Variants in DCK observed in about 807,000 individuals in gnomAD.
DCK encodes the protein deoxycytidine kinase, also known as deoxyadenosine kinase.
In DCK, 23 loss-of-function variants were observed where a neutral mutation model predicts 38.3. That is an observed-to-expected ratio of 0.60 (90% CI 0.43 to 0.85). DCK has a LOEUF of 0.85. Ranked by LOEUF, DCK falls within the 40% of genes least tolerant of loss-of-function variation. DCK has a pLI of 0.00. For missense variants in DCK, 259 were observed against 304.4 expected (o/e 0.85, Z 1.11); for synonymous variants, 108 against 100.6 (o/e 1.07, Z -0.44).
chr4:70,998,030 A>G, intron 1 of DCK, 37 bp from the exon 2 acceptor site: 1 of 1,129,524 alleles, frequency 8.9e-7, no homozygotes, highest in South Asian at 1.4e-5. Context: ...TTTTCCTGAC[A>G]ACTTTTCTTC....
chr4:71,022,223 A>T (rs1740442737), intron 2 of DCK, 144 bp from the exon 3 acceptor site: 1 of 491,676 alleles, frequency 2.0e-6, no homozygotes, highest in Non-Finnish European at 3.5e-6. Context: ...GGGAAAGAGT[A>T]TGAGAAAGGG....
chr4:71,015,835 G>A (rs1018450386), intron 2 of DCK, among the ~76,000 whole-genome samples: 3 of 152,210 alleles, frequency 2.0e-5, no homozygotes, highest in South Asian at 2.1e-4. Context: ...CACACTGAAT[G>A]GGCAAAAACT....
chr4:71,016,746 C>A (rs921061095), intron 2 of DCK, among the ~76,000 whole-genome samples: 3 of 152,196 alleles, frequency 2.0e-5, no homozygotes, highest in African/African-American at 7.2e-5. Flanking sequence ...AAAGCTGAAA[C>A]TGGATCCCTT....
rs560384261 is a variant in DCK, at chr4:71,006,387, G to T, written c.207+8205G>T. 66 of 489,920 alleles carry T rather than the reference G, an allele frequency of 1.3e-4. No homozygotes were observed. In the African/African-American group the frequency reaches 1.4e-3, roughly 10 times the overall value. The allele number at this position is 489,920 out of a possible 1,614,324, so 30.3% of individuals were successfully genotyped here. A position where few individuals can be genotyped will look rare whatever the true frequency, so the allele number is the denominator to read the frequency against. ...GTATGGTTGTATGTGTGAGAGAGACGTTGCTAAGATTTTCGTTTCTGGAGA... is the reference window on the plus strand; with the variant it reads ...GTATGGTTGTATGTGTGAGAGAGACTTTGCTAAGATTTTCGTTTCTGGAGA... On this transcript the variant is annotated intron_variant, in intron 2 of 6. Coordinates refer to ENST00000286648, the MANE Select transcript of DCK (RefSeq NM_000788.3).
intron 5 of DCK, 89 bp from the exon 6 acceptor site, chr4:71,026,576 T>A: frequency 1.4e-6 from 1 of 722,558 alleles, no homozygotes; most frequent in Non-Finnish European, 2.4e-6. Context: ...ACATTTTGAT[T>A]TTCCAAGGAC....
intron 2 of DCK, among the ~76,000 whole-genome samples, chr4:71,005,278 G>T (rs995790321): frequency 6.6e-6 from 1 of 151,522 alleles, no homozygotes; most frequent in Non-Finnish European, 1.5e-5. Context: ...CTTCTGCTTG[G>T]CCTCTGTGGG....
chr4:71,026,537 C>T, intron 5 of DCK, 128 bp from the exon 6 acceptor site: 1 of 648,226 alleles, frequency 1.5e-6, no homozygotes, highest in South Asian at 1.8e-5. Context: ...TGAAGTACTG[C>T]AAAGTAACTT....
At chr4:71,017,065 A>G (rs889864092) in intron 2 of DCK, among the ~76,000 whole-genome samples, 4 of 152,222 alleles carry the variant, frequency 2.6e-5, no homozygotes, top group Admixed American at 6.5e-5. Context: ...AGAATCTACA[A>G]TGAACTCAAA....
intron 2 of DCK, among the ~76,000 whole-genome samples, chr4:71,016,887 T>A (rs144306358): frequency 0.012 from 1,807 of 152,288 alleles, 53 homozygotes; most frequent in African/African-American, 0.041. Context: ...GGACTTCATG[T>A]CTAAAACACC....
intron 5 of DCK, among the ~76,000 whole-genome samples, chr4:71,026,282 T>TCA (rs1294799288): frequency 6.6e-6 from 1 of 152,114 alleles, no homozygotes; most frequent in Non-Finnish European, 1.5e-5. Context: ...TAGACTTTGT[T>TCA]ATTAGTCAGA....
chr4:71,016,808 T>C (rs1433058803), intron 2 of DCK, among the ~76,000 whole-genome samples: 2 of 152,180 alleles, frequency 1.3e-5, no homozygotes, highest in Admixed American at 6.5e-5. Flanking sequence ...ACTTAAATGT[T>C]AGACCTAAAA....
intron 2 of DCK, among the ~76,000 whole-genome samples, chr4:71,018,736 A>G (rs1053118389): frequency 8.2e-5 from 12 of 146,590 alleles, no homozygotes; most frequent in Admixed American, 7.7e-4. Context: ...CAGTGGCACA[A>G]TCTTGGCTCA....
chr4:71,003,741 C>T (rs964192281), intron 2 of DCK, among the ~76,000 whole-genome samples: 2 of 152,114 alleles, frequency 1.3e-5, no homozygotes, highest in African/African-American at 2.4e-5. Context: ...TCCACTTAAT[C>T]GATTCGGCTA....
chr4:71,010,702 TTA>T (rs908004752), intron 2 of DCK, among the ~76,000 whole-genome samples: 2 of 147,786 alleles, frequency 1.4e-5, no homozygotes, highest in African/African-American at 2.4e-5. Context: ...ATAATATAAA[TTA>T]TATATAATAT....
At chr4:71,007,097 G>T (rs1739964992) in intron 2 of DCK, among the ~76,000 whole-genome samples, 1 of 152,044 alleles carries the variant, frequency 6.6e-6, no homozygotes, top group African/African-American at 2.4e-5. Flanking sequence ...GCTAACTTTA[G>T]ACCTAGGGCC....
Position 71,017,836 on chromosome 4 carries a change from A to C in DCK, c.208-4531A>C, listed in dbSNP as rs572831608. On this transcript the variant is annotated intron_variant, in intron 2 of 6. Transcript: ENST00000286648. Reference sequence around the variant, plus strand: ...GGAGAAATACCTAATGTAAATGGCGAGTTAATGGGTGCAGTACACCAACAT... The same window carrying C: ...GGAGAAATACCTAATGTAAATGGCGCGTTAATGGGTGCAGTACACCAACAT... Among the ~76,000 whole-genome samples, 7 of 151,806 alleles carry C rather than the reference A, an allele frequency of 4.6e-5. No individual in the cohort carries two copies. The South Asian group carries it at 1.5e-3, about 32-fold the overall frequency.
In DCK at chr4:71,023,570, C is replaced by T. The variant is rs139754308; in HGVS notation, c.413C>T (p.Ala138Val). 681 of 1,586,606 alleles carry T rather than the reference C, an allele frequency of 4.3e-4. No homozygotes were observed. The highest frequency in any genetic ancestry group is 5.6e-4 in the Non-Finnish European group (648 of 1,163,348). Reference sequence around the variant, plus strand: ...AGACTCTCTTTTAGGTATATTTTTGCATCTAATTTGTATGAATCTGAATGC... The same window carrying T: ...AGACTCTCTTTTAGGTATATTTTTGTATCTAATTTGTATGAATCTGAATGC... Reference protein sequence around the residue: ...RSVYSDRYIFASNLYESECMN... With the variant: ...RSVYSDRYIFVSNLYESECMN... The change falls in exon 4 of 7, where the codon GCA (alanine) becomes GTA (valine). Residue 138 changes from alanine to valine, a missense_variant. Ala to Val is a moderately conservative substitution (Grantham distance 64). Coordinates refer to ENST00000286648, the MANE Select transcript of DCK (RefSeq NM_000788.3).
chr4:71,022,505 C>A lies in DCK; in HGVS notation c.346C>A (p.Leu116Ile), dbSNP rs1230250507. The A allele has an allele frequency of 5.6e-6, 9 of 1,604,328 alleles. No homozygotes were observed. Among genetic ancestry groups the A allele is most frequent in the Non-Finnish European group, 7.6e-6 (9 of 1,176,648 alleles). Residue 116 changes from leucine (L) to isoleucine (I), a missense_variant, in exon 3 of 7, where the codon CTC (leucine) becomes ATC (isoleucine). Transcript: ENST00000286648. ...RAQLASLNGK[L>I]KDAEKPVLFF... ...TCAGCTTGCCTCTCTGAATGGCAAG[C>A]TCAAAGATGCAGAGAAACCTGTATT... is the stretch of plus-strand genomic sequence containing the variant.
At chr4:71,018,212 C>T (rs1352874946) in intron 2 of DCK, among the ~76,000 whole-genome samples, 3 of 150,864 alleles carry the variant, frequency 2.0e-5, no homozygotes, top group South Asian at 2.1e-4. Context: ...CTGCAAGCTC[C>T]GCCTCCCAGG....
Sources: allele counts gnomAD v4.1 joint callset (sites outside exome capture counted in the v4.1 genomes callset), GRCh38; gene constraint gnomAD v4.1.1; transcripts MANE v1.5; gene names NCBI Gene and HGNC (gene_info 2026-07-23, HGNC 2026-07-21).